The following SNX18 variants were observed in gnomAD, a reference collection of about 807,000 sequenced individuals.
The protein encoded by SNX18 is sorting nexin 18.
SNX18 carries 35 observed loss-of-function variants against 48.7 expected under a neutral mutation model. The ratio of observed to expected loss-of-function variants is 0.72; its 90% CI spans 0.55 to 0.95. The LOEUF is 0.95. SNX18 is among the 40% of genes least tolerant of loss of function. The probability of loss-of-function intolerance (pLI) is 0.00; values close to 1 mark genes in which losing one functional copy is unlikely to be tolerated. For synonymous variants in SNX18, 492 were observed against 384.7 expected, an observed-to-expected ratio of 1.28 and a Z score of -3.26; for missense variants, 824 against 871.0, an observed-to-expected ratio of 0.95 and a Z score of 0.68.
At chr5:54,647,154 G>T in the SNX18 span, among the ~76,000 whole-genome samples, 4 of 152,150 alleles carry the variant, frequency 2.6e-5, no homozygotes, top group Admixed American at 2.6e-4. Context: ...ACAATATAGT[G>T]TTCTGAATTA....
At chr5:54,577,280 T>C in the SNX18 span, among the ~76,000 whole-genome samples, 1 of 152,042 alleles carries the variant, frequency 6.6e-6, no homozygotes, top group Non-Finnish European at 1.5e-5. Context: ...GAATATGTCA[T>C]AGGAGTATGG....
the SNX18 span, among the ~76,000 whole-genome samples, chr5:54,587,259 CGTAAAA>C: frequency 6.6e-6 from 1 of 152,058 alleles, no homozygotes; most frequent in South Asian, 2.1e-4. Flanking sequence ...ATTGTCCTTA[CGTAAAA>C]GTTGGTATGT....
chr5:54,626,343 G>C, the SNX18 span, among the ~76,000 whole-genome samples: 1 of 151,820 alleles, frequency 6.6e-6, no homozygotes, highest in Non-Finnish European at 1.5e-5. Context: ...TTTTTTGAAA[G>C]ACAGGGTTTT....
chr5:54,633,331 T>G, the SNX18 span, among the ~76,000 whole-genome samples: 2 of 152,032 alleles, frequency 1.3e-5, no homozygotes, highest in Non-Finnish European at 2.9e-5. Flanking sequence ...ATAGAAGATA[T>G]AAATGGAATA....
chr5:54,614,497 C>G, the SNX18 span, among the ~76,000 whole-genome samples: 3 of 151,972 alleles, frequency 2.0e-5, no homozygotes, highest in South Asian at 2.1e-4. Context: ...AATTCATAAG[C>G]AAGGAAAAAT....
At chr5:54,540,400 A>G (rs1433347172) in intron 1 of SNX18, among the ~76,000 whole-genome samples, 2 of 151,960 alleles carry the variant, frequency 1.3e-5, no homozygotes, top group Non-Finnish European at 2.9e-5. Flanking sequence ...TATTTTTCAT[A>G]GGGATGGGGT....
chr5:54,616,924 G>A, the SNX18 span, among the ~76,000 whole-genome samples: 2 of 152,188 alleles, frequency 1.3e-5, no homozygotes, highest in Non-Finnish European at 2.9e-5. Flanking sequence ...ACAAGCCAAT[G>A]GGAGATATTT....
intron 1 of SNX18, among the ~76,000 whole-genome samples, chr5:54,541,164 A>G (rs1002164057): frequency 2.6e-5 from 4 of 151,976 alleles, no homozygotes; most frequent in African/African-American, 9.7e-5. Flanking sequence ...AGTAGCTGGG[A>G]TTACAGGTGC....
the SNX18 span, among the ~76,000 whole-genome samples, chr5:54,610,821 A>G: frequency 6.6e-6 from 1 of 152,194 alleles, no homozygotes; most frequent in Non-Finnish European, 1.5e-5. Context: ...GGGAACATAT[A>G]GATACAAGCT....
At chr5:54,571,664 C>G in the SNX18 span, among the ~76,000 whole-genome samples, 1 of 152,196 alleles carries the variant, frequency 6.6e-6, no homozygotes, top group South Asian at 2.1e-4. Flanking sequence ...CCCCTTTTCT[C>G]TTGGTGTGAA....
Position 54,543,434 on chromosome 5 carries a change from G to A in SNX18, c.*2G>A. 3 of 1,612,266 alleles carry A rather than the reference G, an allele frequency of 1.9e-6. No individual in the cohort carries two copies. Among genetic ancestry groups the A allele is most frequent in the Middle Eastern group, 1.7e-4 (1 of 6,012 alleles). On this transcript the variant is annotated 3_prime_UTR_variant, in exon 2 of 2. Transcript: ENST00000381410. ...CTTCACAAATATGATAGTGTTTAAT[G>A]ACTGGACGTTGGATTATGGACTTTT...
chr5:54,578,599 G>A, the SNX18 span, among the ~76,000 whole-genome samples: 184 of 152,344 alleles, frequency 1.2e-3, 1 homozygote, highest in East Asian at 0.028. Flanking sequence ...TCTCCTGACA[G>A]CCCAGAATCA....
chr5:54,633,395 G>T, the SNX18 span, among the ~76,000 whole-genome samples: 91 of 152,204 alleles, frequency 6.0e-4, no homozygotes, highest in African/African-American at 1.8e-3. Flanking sequence ...CTTGGTTTCC[G>T]CATTTTAAAA....
the SNX18 span, among the ~76,000 whole-genome samples, chr5:54,552,036 A>G: frequency 6.6e-6 from 1 of 152,202 alleles, no homozygotes; most frequent in Admixed American, 6.5e-5. Flanking sequence ...TGCTAGTTTC[A>G]GGAGAATGGA....
chr5:54,617,949 G>A, the SNX18 span, among the ~76,000 whole-genome samples: 1 of 152,152 alleles, frequency 6.6e-6, no homozygotes, highest in Non-Finnish European at 1.5e-5. Flanking sequence ...TAAATTGGGG[G>A]ATGCGAGGAT....
intron 1 of SNX18, among the ~76,000 whole-genome samples, chr5:54,531,593 G>C (rs1330022757): frequency 1.3e-5 from 2 of 152,150 alleles, no homozygotes; most frequent in African/African-American, 4.8e-5. Flanking sequence ...TTTAAAACTT[G>C]ATACAATTTT....
At chr5:54,539,625 C>T (rs1762427640) in intron 1 of SNX18, among the ~76,000 whole-genome samples, 1 of 152,090 alleles carries the variant, frequency 6.6e-6, no homozygotes, top group African/African-American at 2.4e-5. Flanking sequence ...TGTGCCTGCC[C>T]TGACGGTGCT....
chr5:54,564,477 CA>C, the SNX18 span, among the ~76,000 whole-genome samples: 1 of 152,090 alleles, frequency 6.6e-6, no homozygotes, highest in Non-Finnish European at 1.5e-5. Flanking sequence ...GATTAGTATA[CA>C]CTTGGTGGCT....
intron 1 of SNX18, among the ~76,000 whole-genome samples, chr5:54,540,380 T>C (rs2111596075): frequency 6.6e-6 from 1 of 152,232 alleles, no homozygotes; most frequent in Middle Eastern, 3.4e-3. Flanking sequence ...CATGACTGGC[T>C]AATTTTTTGT....
Sources: allele counts gnomAD v4.1 joint callset (sites outside exome capture counted in the v4.1 genomes callset), GRCh38; gene constraint gnomAD v4.1.1; transcripts MANE v1.5; gene names NCBI Gene and HGNC (gene_info 2026-07-23, HGNC 2026-07-21).